OR51B5: variants seen among roughly 807,000 people sequenced by gnomAD.
The protein encoded by OR51B5 is olfactory receptor 51B5.
For missense variants in OR51B5, 456 were observed against 374.6 expected, an observed-to-expected ratio of 1.22 and a Z score of -1.79; for synonymous variants, 186 against 144.8, an observed-to-expected ratio of 1.28 and a Z score of -2.04.
chr11:5,391,245 G>T (rs1234817711), intron 1 of OR51B5: 3 of 152,194 alleles, frequency 2.0e-5, no homozygotes, highest in Non-Finnish European at 2.9e-5. Context: ...AATCCTTGCA[G>T]GGGTCTCAGC....
chr11:5,439,867 A>C (rs536869837), intron 1 of OR51B5, among the ~76,000 whole-genome samples: 2 of 152,158 alleles, frequency 1.3e-5, no homozygotes, highest in African/African-American at 4.8e-5. Flanking sequence ...AGTAGGACTT[A>C]TGTGGGGCCT....
chr11:5,442,374 G>T (rs2133777510), intron 1 of OR51B5, among the ~76,000 whole-genome samples: 1 of 152,198 alleles, frequency 6.6e-6, no homozygotes, highest in East Asian at 1.9e-4. Flanking sequence ...CTGAGAAAGA[G>T]ATTTCTCTCC....
At chr11:5,488,282 A>G (rs1173244820) in intron 1 of OR51B5, among the ~76,000 whole-genome samples, 1 of 152,200 alleles carries the variant, frequency 6.6e-6, no homozygotes, top group Non-Finnish European at 1.5e-5. Context: ...AACTTGTATT[A>G]AAACTTAATA....
intron 1 of OR51B5, among the ~76,000 whole-genome samples, chr11:5,428,014 T>A (rs1175012962): frequency 6.6e-6 from 1 of 152,134 alleles, no homozygotes; most frequent in Non-Finnish European, 1.5e-5. Context: ...AACATGTTCA[T>A]GTATTCTTAA....
At chr11:5,429,163 C>G (rs185307204) in intron 1 of OR51B5, among the ~76,000 whole-genome samples, 6 of 152,240 alleles carry the variant, frequency 3.9e-5, no homozygotes, top group African/African-American at 1.4e-4. Flanking sequence ...CCCAGCCAAT[C>G]AATAGCAGCA....
At chr11:5,369,263 G>A (rs563546524) in intron 1 of OR51B5, among the ~76,000 whole-genome samples, 2 of 152,266 alleles carry the variant, frequency 1.3e-5, no homozygotes, top group East Asian at 3.9e-4. Context: ...AAGAAGATAT[G>A]TATGCCCATG....
chr11:5,403,471 T>C (rs16930511), intron 1 of OR51B5: 29,935 of 471,688 alleles, frequency 0.063, 1,334 homozygotes, highest in East Asian at 0.18. Context: ...GTCAATCCTA[T>C]TGTCTACAGC....
intron 1 of OR51B5, among the ~76,000 whole-genome samples, chr11:5,419,125 T>C (rs1296776041): frequency 6.6e-6 from 1 of 152,224 alleles, no homozygotes; most frequent in Non-Finnish European, 1.5e-5. Flanking sequence ...TTTGAAATGA[T>C]GTAAGATTTC....
At chr11:5,497,199 A>T (rs565356706) in intron 1 of OR51B5, among the ~76,000 whole-genome samples, 1 of 152,316 alleles carries the variant, frequency 6.6e-6, no homozygotes, top group Admixed American at 6.5e-5. Flanking sequence ...GTGCTGGTAC[A>T]TATTGACATG....
At chr11:5,404,170 G>A (rs1360931777) in intron 1 of OR51B5, among the ~76,000 whole-genome samples, 73 of 143,782 alleles carry the variant, frequency 5.1e-4, no homozygotes, top group Admixed American at 1.3e-3. Context: ...GGGATGGGGC[G>A]GGGAGGGCGG....
At chr11:5,448,370 G>A (rs1039152580) in intron 1 of OR51B5, among the ~76,000 whole-genome samples, 1 of 152,140 alleles carries the variant, frequency 6.6e-6, no homozygotes, top group South Asian at 2.1e-4. Context: ...TTTCTGCTCT[G>A]ATAGCAACAT....
chr11:5,474,684 T>C (rs1463450372), intron 1 of OR51B5, among the ~76,000 whole-genome samples: 1 of 152,228 alleles, frequency 6.6e-6, no homozygotes, highest in Non-Finnish European at 1.5e-5. Context: ...ATAATTCTAT[T>C]TCTCATTGGA....
chr11:5,445,394 C>G (rs1850745099), intron 1 of OR51B5, among the ~76,000 whole-genome samples: 1 of 152,056 alleles, frequency 6.6e-6, no homozygotes, highest in Non-Finnish European at 1.5e-5. Context: ...CAAATGCATG[C>G]TAGCATCCAT....
intron 1 of OR51B5, among the ~76,000 whole-genome samples, chr11:5,350,179 G>C (rs1244533178): frequency 2.0e-5 from 3 of 152,074 alleles, no homozygotes; most frequent in Admixed American, 1.3e-4. Context: ...TGTGTCAAGA[G>C]AATGACTGAG....
chr11:5,392,345 A>C (rs1390026632), intron 1 of OR51B5: 3 of 152,180 alleles, frequency 2.0e-5, no homozygotes, highest in Non-Finnish European at 4.4e-5. Context: ...CGAGACTTAG[A>C]ATATTCTTCT....
intron 1 of OR51B5, among the ~76,000 whole-genome samples, chr11:5,413,831 A>G (rs1272516673): frequency 6.6e-6 from 1 of 151,816 alleles, no homozygotes; most frequent in African/African-American, 2.4e-5. Flanking sequence ...AGTGACGGGG[A>G]GAATGCAACC....
rs77859749 is a variant in OR51B5 at position 5,365,182 on chromosome 11, G to A, written n.85-18272C>T. Among the ~76,000 whole-genome samples the A allele has an allele frequency of 3.9e-3, 600 of 152,338 alleles. 2 individuals carry two copies. The highest frequency in any genetic ancestry group is 0.01 in the African/African-American group (427 of 41,564). ...GGTGAGTTCTGTAGACATTTAGAGTGTAGGGCTGGCAACTGTGTTTAAAAT... is the reference window on the plus strand; with the variant it reads ...GGTGAGTTCTGTAGACATTTAGAGTATAGGGCTGGCAACTGTGTTTAAAAT... On this transcript the variant is annotated intron_variant and non_coding_transcript_variant, in intron 1 of 4. Coordinates refer to the OR51B5 transcript ENST00000415970.
At chr11:5,414,531 G>A (rs1850205135) in intron 1 of OR51B5, among the ~76,000 whole-genome samples, 1 of 151,908 alleles carries the variant, frequency 6.6e-6, no homozygotes, top group Non-Finnish European at 1.5e-5. Context: ...TTGTATTCAG[G>A]AAACCCATCT....
rs1849773171 is a variant in OR51B5 at position 5,390,173 on chromosome 11, G to C, written n.85-43263C>G. 1 of 1,613,824 alleles carries C rather than the reference G, an allele frequency of 6.2e-7. No homozygotes were observed. The highest frequency in any genetic ancestry group is 1.3e-5 in the African/African-American group (1 of 74,930). Reference sequence around the variant, plus strand: ...TCAGACATGCACCGCTCCTCTCTGTGCTGTGCTAGTATTCTTTGTGCCCAT... The same window carrying C: ...TCAGACATGCACCGCTCCTCTCTGTCCTGTGCTAGTATTCTTTGTGCCCAT... On this transcript the variant is annotated intron_variant and non_coding_transcript_variant, in intron 1 of 4. Coordinates refer to the OR51B5 transcript ENST00000415970.
Sources: gnomAD v4.1 joint callset for allele counts (sites outside exome capture counted in the v4.1 genomes callset) on GRCh38, gnomAD v4.1.1 for gene constraint, MANE v1.5 for transcripts, NCBI Gene and HGNC (gene_info 2026-07-23, HGNC 2026-07-21) for gene names.